The following WDFY3 variants were observed in gnomAD, a reference collection of about 807,000 sequenced individuals.
The protein encoded by WDFY3 is WD repeat and FYVE domain-containing protein 3.
In WDFY3, 66 loss-of-function variants were observed where a neutral mutation model predicts 409.6. That is an observed-to-expected ratio of 0.16 (90% confidence interval 0.13 to 0.20). The LOEUF is 0.20. Among genes scored for constraint, WDFY3 ranks in the 10% least tolerant of loss-of-function variants. The pLI, the probability that WDFY3 is intolerant of heterozygous loss-of-function variation, is 1.00. For synonymous variants in WDFY3, 1,521 were observed against 1,537.1 expected, an observed-to-expected ratio of 0.99 and a Z score of 0.25; for missense variants, 3,031 against 4,298.1, an observed-to-expected ratio of 0.71 and a Z score of 8.24.
intron 55 of WDFY3, among the ~76,000 whole-genome samples, chr4:84,703,109 C>A (rs183789987): frequency 0.045 from 6,737 of 149,458 alleles, 196 homozygotes; most frequent in African/African-American, 0.077. Flanking sequence ...AAAAAAAAAA[C>A]CAAACAAACA....
At chr4:84,681,416 A>T (rs561756682) in intron 64 of WDFY3, among the ~76,000 whole-genome samples, 1 of 152,258 alleles carries the variant, frequency 6.6e-6, no homozygotes, top group East Asian at 1.9e-4. Flanking sequence ...TATGTCCCCA[A>T]ACACCCAGAT....
rs1450809390 is a variant in WDFY3, at chr4:84,677,211, A to G, written c.10445T>C (p.Leu3482Pro). 1.2e-6 allele frequency: 2 copies of G among 1,614,084 alleles called. No individual in the cohort carries two copies. The highest frequency in any genetic ancestry group is 2.2e-5 in the East Asian group (1 of 44,894). ...RRHHCRNCGQLFCQKCSRFQS... is the reference protein window; with the variant it reads ...RRHHCRNCGQPFCQKCSRFQS... ...TATCTTATCTTACTTCTGGCAGAAG[A>G]GCTGACCACAGTTCCTGCAATGGTG... The change falls in exon 67 of 68, where the codon CTC (leucine) becomes CCC (proline). Residue 3482 changes from leucine to proline, a missense_variant. This residue lies in a region of WDFY3 where 378 missense variants were observed against 477.3 expected (regional missense o/e 0.79). Transcript: ENST00000295888.
At position 84,923,959 on chromosome 4, in the gene WDFY3, G is replaced by C. The variant is rs549940913; in HGVS notation, c.-132+8311C>G. Among the ~76,000 whole-genome samples the C allele has an allele frequency of 3.3e-5, 5 of 152,232 alleles. No homozygotes were observed. The East Asian group carries it at 9.7e-4, about 29-fold the overall frequency. On this transcript the variant is annotated intron_variant, in intron 2 of 67. Transcript: ENST00000295888. ...AGGCTGCAAATAGCCATGATTGTGA[G>C]TTATATATTATTTTCCCTAATGCCA...
At chr4:84,857,466 TA>T (rs1759924958) in intron 4 of WDFY3, among the ~76,000 whole-genome samples, 1 of 152,182 alleles carries the variant, frequency 6.6e-6, no homozygotes. Flanking sequence ...CATTACCTTG[TA>T]AACATTCCTA....
rs751188944 is a variant in WDFY3, at chr4:84,678,988, G to C, written c.10078C>G (p.Leu3360Val). The C allele has an allele frequency of 3.3e-5, 53 of 1,614,104 alleles. No homozygotes were observed. Among genetic ancestry groups the C allele is most frequent in the Non-Finnish European group, 4.4e-5 (52 of 1,180,046 alleles). The change falls in exon 65 of 68, where the codon CTG becomes GTG. Residue 3360 changes from leucine to valine, a missense_variant. Coordinates refer to ENST00000295888, the MANE Select transcript of WDFY3 (RefSeq NM_014991.6). ...TGGGGGTGGCTAAGGGGGCCCTGCA[G>C]ATGGGCTCTGGTCTGGCCCTCTGAA... ...NYSEGQTRAH[L>V]QGPLSHPHPN...
Position 84,821,073 on chromosome 4 carries a change from C to G in WDFY3, c.1591+11G>C. 3 of 1,569,262 alleles carry G rather than the reference C, an allele frequency of 1.9e-6. No homozygotes were observed. The highest frequency in any genetic ancestry group is 2.6e-6 in the Non-Finnish European group (3 of 1,161,076). On this transcript the variant is annotated intron_variant, in intron 11 of 67. Transcript: ENST00000295888. ...TTTCAAATAAAAATAAAATTACAGA[C>G]AATACTTTACCTTGTTCATTTAGTG...
intron 29 of WDFY3, among the ~76,000 whole-genome samples, chr4:84,773,442 T>G (rs1015298674): frequency 2.6e-5 from 4 of 152,156 alleles, no homozygotes; most frequent in Non-Finnish European, 5.9e-5. Flanking sequence ...GTTAAGAACT[T>G]GGGTTTACAT....
intron 3 of WDFY3, among the ~76,000 whole-genome samples, chr4:84,884,908 A>C (rs1763987609): frequency 6.6e-6 from 1 of 152,220 alleles, no homozygotes; most frequent in Non-Finnish European, 1.5e-5. Context: ...ACTCCTCTCT[A>C]AAGTCACATA....
chr4:84,937,822 C>A (rs1771622639), intron 1 of WDFY3, among the ~76,000 whole-genome samples: 1 of 152,022 alleles, frequency 6.6e-6, no homozygotes, highest in Non-Finnish European at 1.5e-5. Context: ...TGCCTTGGGG[C>A]CTTTATACTT....
intron 47 of WDFY3, among the ~76,000 whole-genome samples, chr4:84,721,076 T>C (rs1734789607): frequency 6.6e-6 from 1 of 152,108 alleles, no homozygotes; most frequent in Non-Finnish European, 1.5e-5. Flanking sequence ...TATGGAGATG[T>C]AGAAAAAAAT....
intron 27 of WDFY3, among the ~76,000 whole-genome samples, chr4:84,776,782 T>A (rs1160740776): frequency 2.6e-5 from 4 of 152,116 alleles, no homozygotes; most frequent in Non-Finnish European, 5.9e-5. Context: ...ATATTAGAAC[T>A]TTGAATACTA....
intron 46 of WDFY3, 84 bp from the exon 47 acceptor site, chr4:84,721,656 A>G: frequency 6.6e-7 from 1 of 1,509,178 alleles, no homozygotes; most frequent in Non-Finnish European, 8.9e-7. Context: ...TTCCTTCTAT[A>G]GATTTCCAAT....
chr4:84,762,616 TA>T (rs887679893), intron 32 of WDFY3, among the ~76,000 whole-genome samples: 62 of 146,424 alleles, frequency 4.2e-4, no homozygotes, highest in African/African-American at 1.2e-3. Flanking sequence ...AGTATAATAA[TA>T]AAAAAAAAAG....
At chr4:84,885,735 TAGCAACAATCAGAA>T (rs1764131937) in intron 3 of WDFY3, among the ~76,000 whole-genome samples, 1 of 152,152 alleles carries the variant, frequency 6.6e-6, no homozygotes, top group East Asian at 1.9e-4. Flanking sequence ...CCTAATAGAT[TAGCAACAATCAGAA>T]AGCTGGAAAA....
At chr4:84,765,442 G>T (rs1207401655) in intron 32 of WDFY3, among the ~76,000 whole-genome samples, 2 of 152,098 alleles carry the variant, frequency 1.3e-5, no homozygotes, top group Admixed American at 6.6e-5. Flanking sequence ...AAATGTTATT[G>T]CCTGGCAAGT....
chr4:84,706,166 T>C (rs893141605), intron 53 of WDFY3, among the ~76,000 whole-genome samples: 3 of 152,240 alleles, frequency 2.0e-5, no homozygotes, highest in African/African-American at 4.8e-5. Flanking sequence ...ATTTACTCCC[T>C]GAGGATTTTA....
Position 84,850,928 on chromosome 4 carries a change from G to GT in WDFY3, c.181-904dup, listed in dbSNP as rs869074191. On this transcript the variant is annotated intron_variant, in intron 4 of 67. Coordinates refer to ENST00000295888, the MANE Select transcript of WDFY3 (RefSeq NM_014991.6). Reference sequence around the variant, plus strand: ...TTCTTATTTTTAATTTTATTTATCTGTTTTTTTTTTTTTTTTTTTTTTTTT... The same window carrying GT: ...TTCTTATTTTTAATTTTATTTATCTGTTTTTTTTTTTTTTTTTTTTTTTTTT... 2.2e-4 allele frequency among the ~76,000 whole-genome samples: 10 copies of GT among 46,252 alleles called. 1 individual carries two copies. The highest frequency in any genetic ancestry group is 3.5e-4 in the Non-Finnish European group (9 of 25,880). The allele number at this position is 46,252 out of a possible 152,430, so 30.3% of individuals were successfully genotyped here.
chr4:84,935,518 A>G (rs1043700992), intron 1 of WDFY3, among the ~76,000 whole-genome samples: 1 of 152,140 alleles, frequency 6.6e-6, no homozygotes, highest in African/African-American at 2.4e-5. Flanking sequence ...TGAAATGCCT[A>G]TTCATATATT....
At chr4:84,691,438 A>G (rs554955230) in intron 60 of WDFY3, among the ~76,000 whole-genome samples, 193 bp downstream of exon 60, 124 of 152,314 alleles carry the variant, frequency 8.1e-4, no homozygotes, top group Admixed American at 1.7e-3. Flanking sequence ...TGACATCTCT[A>G]TGAGCTCCTT....
Sources: gnomAD v4.1 joint callset for allele counts (sites outside exome capture counted in the v4.1 genomes callset) on GRCh38, gnomAD v4.1.1 for gene constraint, gnomAD v4.1.1 regional missense constraint, MANE v1.5 for transcripts, NCBI Gene and HGNC (gene_info 2026-07-23, HGNC 2026-07-21) for gene names.